Variants in MEF2C observed in about 807,000 individuals in gnomAD.
MEF2C encodes myocyte enhancer factor 2C, also known as myocyte-specific enhancer factor 2C.
A neutral mutation model predicts 50.5 loss-of-function variants in MEF2C; 6 were observed. That is an observed-to-expected ratio of 0.12 (90% confidence interval 0.07 to 0.23). The LOEUF (loss-of-function observed/expected upper bound fraction) is 0.23. Ranked by LOEUF, MEF2C falls within the 10% of genes least tolerant of loss-of-function variation. The pLI, the probability that MEF2C is intolerant of heterozygous loss-of-function variation, is 1.00. For synonymous variants in MEF2C, 183 were observed against 228.0 expected, an observed-to-expected ratio of 0.80 and a Z score of 1.78; for missense variants, 276 against 605.0, an observed-to-expected ratio of 0.46 and a Z score of 5.70.
chr5:88,823,660 T>G, intron 2 of MEF2C, 75 bp downstream of exon 2: 13 of 1,347,926 alleles, frequency 9.6e-6, no homozygotes, highest in Non-Finnish European at 1.3e-5. Context: ...ATTCAAGATA[T>G]TTTCTGTACC....
chr5:88,753,772 C>G (rs1773954093), intron 4 of MEF2C, among the ~76,000 whole-genome samples: 1 of 152,130 alleles, frequency 6.6e-6, no homozygotes, highest in Non-Finnish European at 1.5e-5. Context: ...GATTTATCTA[C>G]AGTAAACAGG....
intron 10 of MEF2C, among the ~76,000 whole-genome samples, chr5:88,725,345 T>G (rs1219542879): frequency 2.6e-5 from 4 of 152,128 alleles, no homozygotes; most frequent in African/African-American, 4.8e-5. Flanking sequence ...ATATCTTAGA[T>G]TCAGCTTCAT....
intron 4 of MEF2C, among the ~76,000 whole-genome samples, chr5:88,759,577 T>C (rs1776947274): frequency 6.6e-6 from 1 of 152,260 alleles, no homozygotes; most frequent in Admixed American, 6.5e-5. Context: ...GGATATTTTA[T>C]TATTTAATAA....
intron 6 of MEF2C, chr5:88,737,253 C>A: frequency 1.4e-5 from 14 of 985,216 alleles, no homozygotes; most frequent in Non-Finnish European, 1.7e-5. Context: ...AAATTGATGA[C>A]CAAGTACACT....
intron 1 of MEF2C, chr5:88,844,604 T>C: frequency 1.2e-6 from 1 of 803,256 alleles, no homozygotes; most frequent in Non-Finnish European, 1.5e-6. Flanking sequence ...TTTGTAGTTT[T>C]AACACAGTAC....
chr5:88,742,312 T>G, intron 6 of MEF2C: 1 of 984,914 alleles, frequency 1.0e-6, no homozygotes, highest in Non-Finnish European at 1.2e-6. Flanking sequence ...AGGAACCTAA[T>G]AGGTGTATAA....
At chr5:88,873,310 C>T (rs1467513402) in intron 1 of MEF2C, among the ~76,000 whole-genome samples, 2 of 152,070 alleles carry the variant, frequency 1.3e-5, no homozygotes, top group Non-Finnish European at 1.5e-5. Context: ...TGGCATTGGG[C>T]TGTGATGAAC....
chr5:88,764,990 A>G (rs1339941092), intron 3 of MEF2C, among the ~76,000 whole-genome samples: 1 of 152,200 alleles, frequency 6.6e-6, no homozygotes, highest in Non-Finnish European at 1.5e-5. Flanking sequence ...CAATTAGGTC[A>G]GTGGCTCACT....
At chr5:88,867,415 T>C (rs1019859991) in intron 1 of MEF2C, among the ~76,000 whole-genome samples, 14 of 152,200 alleles carry the variant, frequency 9.2e-5, no homozygotes, top group African/African-American at 3.1e-4. Flanking sequence ...TGGGTAACTT[T>C]GGACAAGTTA....
intron 1 of MEF2C, among the ~76,000 whole-genome samples, chr5:88,864,438 G>A (rs1826573314): frequency 6.6e-6 from 1 of 151,722 alleles, no homozygotes. Context: ...CTGGATGGCA[G>A]GCCAATTTAA....
In MEF2C at chr5:88,843,516, C is replaced by G. The variant is rs1040701366; in HGVS notation, c.-142-19586G>C. On this transcript the variant is annotated intron_variant, in intron 1 of 10. Transcript: ENST00000504921. Reference sequence around the variant, plus strand: ...CATTTAAACTACATTTTTCATGTGTCTGAAATTCAAGTTTTATACCTTATT... The same window carrying G: ...CATTTAAACTACATTTTTCATGTGTGTGAAATTCAAGTTTTATACCTTATT... 13 of 975,880 alleles carry G rather than the reference C, an allele frequency of 1.3e-5. No homozygotes were observed. In the Admixed American group the frequency reaches 1.8e-4, roughly 14 times the overall value. The allele number at this position is 975,880 out of a possible 1,614,324, so 60.5% of individuals were successfully genotyped here. A position where few individuals can be genotyped will look rare whatever the true frequency, so the allele number is the denominator to read the frequency against.
chr5:88,855,419 ATTAT>A (rs1436889478), intron 1 of MEF2C, among the ~76,000 whole-genome samples: 2 of 152,202 alleles, frequency 1.3e-5, no homozygotes, highest in Non-Finnish European at 2.9e-5. Context: ...CTGTTCACAG[ATTAT>A]TTTTCTGATA....
At chr5:88,889,376 GC>G (rs1487692881) in intron 1 of MEF2C, 1 of 152,716 alleles carries the variant, frequency 6.5e-6, no homozygotes, top group Non-Finnish European at 1.4e-5. Context: ...GCCCGTCTCT[GC>G]TTCCCCCCCC....
intron 1 of MEF2C, among the ~76,000 whole-genome samples, chr5:88,835,274 G>A (rs1278191647): frequency 2.6e-5 from 4 of 152,096 alleles, no homozygotes; most frequent in Non-Finnish European, 5.9e-5. Context: ...ACTTGTCAGT[G>A]GGCTAGGTTG....
chr5:88,844,777 GGATAA>G (rs1284926200), intron 1 of MEF2C: 1 of 159,444 alleles, frequency 6.3e-6, no homozygotes, highest in Non-Finnish European at 1.3e-5. Flanking sequence ...TTATAACTAG[GGATAA>G]GATATCTCTA....
chr5:88,790,284 C>T (rs1277843917), intron 3 of MEF2C, among the ~76,000 whole-genome samples: 1 of 152,200 alleles, frequency 6.6e-6, no homozygotes, highest in Admixed American at 6.5e-5. Context: ...AAATAGTCTA[C>T]AGACACACTT....
chr5:88,780,829 C>G, intron 3 of MEF2C: 1 of 985,428 alleles, frequency 1.0e-6, no homozygotes, highest in Non-Finnish European at 1.2e-6. Context: ...AAATCTCAAT[C>G]AACCTACCCC....
At chr5:88,737,614 TG>T in intron 6 of MEF2C, 2 of 985,378 alleles carry the variant, frequency 2.0e-6, no homozygotes, top group Non-Finnish European at 2.4e-6. Flanking sequence ...AAAAGAATGG[TG>T]GCAGGGTGGC....
intron 3 of MEF2C, among the ~76,000 whole-genome samples, chr5:88,801,598 T>C (rs763990767): frequency 6.6e-6 from 1 of 151,844 alleles, no homozygotes; most frequent in Non-Finnish European, 1.5e-5. Context: ...GTTCAGGCCA[T>C]TCTCCTGCCT....
Sources: allele counts gnomAD v4.1 joint callset (sites outside exome capture counted in the v4.1 genomes callset), GRCh38; gene constraint gnomAD v4.1.1; transcripts MANE v1.5; gene names NCBI Gene and HGNC (gene_info 2026-07-23, HGNC 2026-07-21).